Variants in CYFIP2 observed in about 807,000 individuals in gnomAD.
CYFIP2 encodes the protein cytoplasmic FMR1 interacting protein 2.
Under a neutral mutation model 158.7 loss-of-function variants are expected in CYFIP2, and 29 were observed. That is an observed-to-expected ratio of 0.18 (90% CI 0.14 to 0.25). The LOEUF is 0.25. CYFIP2 is among the 10% of genes least tolerant of loss of function. CYFIP2 has a pLI of 1.00. For synonymous variants in CYFIP2, 585 were observed against 617.6 expected (o/e 0.95, Z 0.78); for missense variants, 852 against 1,639.5 (o/e 0.52, Z 8.29).
At chr5:157,269,176 G>A (rs1037577937) in intron 1 of CYFIP2, among the ~76,000 whole-genome samples, 5 of 151,910 alleles carry the variant, frequency 3.3e-5, no homozygotes, top group Non-Finnish European at 7.4e-5. Context: ...CAAGTTTACC[G>A]GCCGAAGGAA....
At chr5:157,293,474 C>T (rs1438637351) in intron 3 of CYFIP2, among the ~76,000 whole-genome samples, 1 of 152,140 alleles carries the variant, frequency 6.6e-6, no homozygotes, top group African/African-American at 2.4e-5. Flanking sequence ...TTGGTTTTCC[C>T]ATCTGCTCTG....
intron 21 of CYFIP2, among the ~76,000 whole-genome samples, chr5:157,337,148 G>A (rs1046038936): frequency 1.3e-5 from 2 of 152,066 alleles, no homozygotes; most frequent in African/African-American, 2.4e-5. Flanking sequence ...TATTTATTTA[G>A]TACCCATCCT....
At chr5:157,377,581 G>C (rs565836030) in intron 26 of CYFIP2, among the ~76,000 whole-genome samples, 76 of 152,238 alleles carry the variant, frequency 5.0e-4, no homozygotes, top group African/African-American at 1.8e-3. Context: ...ATCTTGGTAA[G>C]GGTTGTGCAT....
intron 26 of CYFIP2, among the ~76,000 whole-genome samples, chr5:157,362,006 G>A (rs1763873306): frequency 6.6e-6 from 1 of 152,236 alleles, no homozygotes; most frequent in South Asian, 2.1e-4. Context: ...TAAATTTCAG[G>A]AAAGCAGAAG....
At chr5:157,342,679 C>G in intron 23 of CYFIP2, 1 of 594,256 alleles carries the variant, frequency 1.7e-6, no homozygotes, top group Non-Finnish European at 2.9e-6. Flanking sequence ...CTTGGCATAC[C>G]CTGGGGGATA....
At chr5:157,302,230 A>G (rs1278709946) in intron 6 of CYFIP2, among the ~76,000 whole-genome samples, 1 of 152,170 alleles carries the variant, frequency 6.6e-6, no homozygotes, top group Non-Finnish European at 1.5e-5. Flanking sequence ...CTGGGAAGTC[A>G]GGCAGCCACA....
chr5:157,340,819 C>T (rs948456933), intron 22 of CYFIP2, among the ~76,000 whole-genome samples: 5 of 152,190 alleles, frequency 3.3e-5, no homozygotes, highest in Non-Finnish European at 5.9e-5. Context: ...TAGTGTCATT[C>T]GGAGCAGCCA....
chr5:157,387,186 A>T (rs1181415803), intron 28 of CYFIP2, among the ~76,000 whole-genome samples: 1 of 152,248 alleles, frequency 6.6e-6, no homozygotes, highest in Non-Finnish European at 1.5e-5. Flanking sequence ...ACATATTTTA[A>T]GAATGCTCAT....
rs181727692 is a variant in CYFIP2 at position 157,339,406 on chromosome 5, C to G, written c.2585+150C>G. 195 of 684,212 alleles carry G rather than the reference C, an allele frequency of 2.8e-4. 2 individuals are homozygous for G. The African/African-American group carries it at 3.2e-3, about 11-fold the overall frequency. 42.4% of individuals were successfully genotyped at this position (684,212 alleles called of 1,614,324 possible). ...TGGGCACAGGCTTTGTGCTGTCTCA[C>G]TTGCCTAAGGTCATAGAGCTGGTTG... On this transcript the variant is annotated intron_variant, in intron 22 of 30. Transcript: ENST00000620254.
rs370131961 is a variant in CYFIP2, at chr5:157,302,898, C to A, written c.666+8C>A. On this transcript the variant is annotated splice_region_variant and intron_variant, in intron 7 of 30. Coordinates refer to ENST00000620254, the MANE Select transcript of CYFIP2 (RefSeq NM_001037333.3). Reference sequence around the variant, plus strand: ...CACAACAGGATCACCCAGGTGAGGGCAGACTCCTTGTTAGGCCTGGCCTGA... The same window carrying A: ...CACAACAGGATCACCCAGGTGAGGGAAGACTCCTTGTTAGGCCTGGCCTGA... The A allele has an allele frequency of 1.5e-5, 23 of 1,565,386 alleles. No homozygotes were observed. The highest frequency in any genetic ancestry group is 1.9e-5 in the Non-Finnish European group (22 of 1,154,440).
intron 1 of CYFIP2, among the ~76,000 whole-genome samples, chr5:157,267,978 G>A: frequency 6.6e-6 from 1 of 152,266 alleles, no homozygotes; most frequent in East Asian, 1.9e-4. Context: ...TGACTGGTCA[G>A]GTGTTACTGT....
intron 23 of CYFIP2, among the ~76,000 whole-genome samples, chr5:157,355,937 A>G (rs1167350040): frequency 6.6e-6 from 1 of 152,180 alleles, no homozygotes; most frequent in Non-Finnish European, 1.5e-5. Flanking sequence ...GAGAAAATTT[A>G]AAGCATGTTT....
chr5:157,302,933 G>A (rs371759772), intron 7 of CYFIP2, 43 bp downstream of exon 7: 5 of 1,500,910 alleles, frequency 3.3e-6, no homozygotes, highest in Non-Finnish European at 3.6e-6. Context: ...ATGTCTCGGG[G>A]TTATAGGCAG....
At chr5:157,323,150 C>A in intron 15 of CYFIP2, 1 of 850,306 alleles carries the variant, frequency 1.2e-6, no homozygotes, top group South Asian at 1.6e-5. Context: ...TCTAGATTAG[C>A]AAAGAGAACC....
chr5:157,287,550 G>A (rs1757491950), intron 3 of CYFIP2, among the ~76,000 whole-genome samples: 1 of 152,138 alleles, frequency 6.6e-6, no homozygotes, highest in Non-Finnish European at 1.5e-5. Flanking sequence ...TTGCAAATAG[G>A]GCCAGTTATT....
At chr5:157,392,392 A>AT (rs1661099302) in intron 30 of CYFIP2, among the ~76,000 whole-genome samples, 1 of 152,130 alleles carries the variant, frequency 6.6e-6, no homozygotes, top group Admixed American at 6.5e-5. Context: ...TTCTGAGTTA[A>AT]TTTTTTGTAT....
Position 157,361,732 on chromosome 5 carries a change from C to A in CYFIP2, c.3039+134C>A. ...TCACATGCTCTTTTCAGTTCATTTC[C>A]AGACAGACATGGATTCTAGTCCTGG... is the stretch of plus-strand genomic sequence containing the variant. On this transcript the variant is annotated intron_variant, in intron 26 of 30. Coordinates refer to ENST00000620254, the MANE Select transcript of CYFIP2 (RefSeq NM_001037333.3). The surrounding 1 kb of genome is among the most constrained non-coding windows in gnomAD (Gnocchi z 4.4). The A allele has an allele frequency of 8.7e-7, 1 of 1,150,836 alleles. No individual in the cohort carries two copies. The highest frequency in any genetic ancestry group is 1.2e-6 in the Non-Finnish European group (1 of 825,094). The allele number at this position is 1,150,836 out of a possible 1,614,324, so 71.3% of individuals were successfully genotyped here.
chr5:157,324,028 C>T lies in CYFIP2; in HGVS notation c.1779C>T (p.Asp593=). ...LDGPIVLAIE[D]FHKQSFFFTH... ...GACCCATTGTCCTCGCCATAGAGGA[C>T]TTTCACAAACAGTCCTTCTTCTTCA... The change falls in exon 16 of 31, where the codon GAC becomes GAT. Residue 593 remains aspartate, a synonymous_variant. Transcript: ENST00000620254. 1 of 1,613,872 alleles carries T rather than the reference C, an allele frequency of 6.2e-7. No homozygotes were observed. The highest frequency in any genetic ancestry group is 8.5e-7 in the Non-Finnish European group (1 of 1,179,820).
intron 26 of CYFIP2, among the ~76,000 whole-genome samples, chr5:157,370,290 A>T (rs1300554296): frequency 6.6e-6 from 1 of 152,156 alleles, no homozygotes; most frequent in Admixed American, 6.5e-5. Flanking sequence ...CTTGACATTG[A>T]TGCTTAGTTG....
Sources: allele counts gnomAD v4.1 joint callset (sites outside exome capture counted in the v4.1 genomes callset), GRCh38; gene constraint gnomAD v4.1.1; non-coding constraint Gnocchi (gnomAD v3.1); transcripts MANE v1.5; gene names NCBI Gene and HGNC (gene_info 2026-07-23, HGNC 2026-07-21).